WIF1: variants seen among roughly 807,000 people sequenced by gnomAD.
The protein encoded by WIF1 is Wnt inhibitory factor 1.
Under a neutral mutation model 53.5 loss-of-function variants are expected in WIF1, and 35 were observed. The observed-to-expected ratio is 0.65, with a 90% confidence interval of 0.50 to 0.87. The LOEUF (loss-of-function observed/expected upper bound fraction) is 0.87, where lower values mean the gene tolerates loss of function less well. Among genes scored for constraint, WIF1 ranks in the 40% least tolerant of loss-of-function variants. The pLI, the probability that WIF1 is intolerant of heterozygous loss-of-function variation, is 0.00. For synonymous variants in WIF1, 171 were observed against 170.4 expected, an observed-to-expected ratio of 1.00 and a Z score of -0.03; for missense variants, 467 against 476.8, an observed-to-expected ratio of 0.98 and a Z score of 0.19.
chr12:65,065,160 C>T (rs1195559624), intron 6 of WIF1, among the ~76,000 whole-genome samples: 3 of 152,190 alleles, frequency 2.0e-5, no homozygotes, highest in East Asian at 3.9e-4. Context: ...TTAAAAAAGG[C>T]AGAAATGCTT....
intron 2 of WIF1, chr12:65,083,907 T>C (rs1882996470): frequency 2.9e-6 from 1 of 344,828 alleles, no homozygotes; most frequent in Admixed American, 3.3e-5. Flanking sequence ...AGCACGATCA[T>C]GGCTCACTGT....
chr12:65,099,776 T>C (rs565952761), intron 2 of WIF1, among the ~76,000 whole-genome samples: 2 of 152,300 alleles, frequency 1.3e-5, no homozygotes, highest in East Asian at 3.9e-4. Context: ...ATTTGTTAGC[T>C]CAGTTTCCTC....
chr12:65,068,989 A>G, intron 3 of WIF1, 85 bp from the exon 4 acceptor site: 1 of 1,439,234 alleles, frequency 6.9e-7, no homozygotes. Context: ...CAAGAGTCAA[A>G]GGACAAAGCA....
At position 65,062,595 on chromosome 12, in the gene WIF1, G is replaced by A; in HGVS notation, c.731-19C>T. The A allele has an allele frequency of 6.3e-7, 1 of 1,592,730 alleles. No homozygotes were observed. The highest frequency in any genetic ancestry group is 8.6e-7 in the Non-Finnish European group (1 of 1,165,938). ...CAGTTTGCTGTTAGAATGAGTAACAGGGGTGTTGCATTAGACAGTAGGTTA... is the reference window on the plus strand; with the variant it reads ...CAGTTTGCTGTTAGAATGAGTAACAAGGGTGTTGCATTAGACAGTAGGTTA... On this transcript the variant is annotated intron_variant, in intron 6 of 9. Coordinates refer to ENST00000286574, the MANE Select transcript of WIF1 (RefSeq NM_007191.5).
At position 65,115,003 on chromosome 12, in the gene WIF1, G is replaced by A. The variant is rs557644780; in HGVS notation, c.288+5414C>T. ...GTCTAGAGCTTGTCTAGCAATCCAGGTGTTTGGTTTGAAATTAATATTGGT... is the reference window on the plus strand; with the variant it reads ...GTCTAGAGCTTGTCTAGCAATCCAGATGTTTGGTTTGAAATTAATATTGGT... On this transcript the variant is annotated intron_variant, in intron 2 of 9. Transcript: ENST00000286574. Among the ~76,000 whole-genome samples the A allele has an allele frequency of 1.6e-4, 25 of 152,020 alleles. 1 individual carries two copies. In the South Asian group the frequency reaches 4.6e-3, roughly 28 times the overall value.
At chr12:65,064,921 T>A (rs1166375476) in intron 6 of WIF1, among the ~76,000 whole-genome samples, 1 of 152,116 alleles carries the variant, frequency 6.6e-6, no homozygotes, top group Non-Finnish European at 1.5e-5. Context: ...TCTGGAGGAT[T>A]TGCTTTATTT....
At chr12:65,059,117 G>C (rs1423172419) in intron 7 of WIF1, among the ~76,000 whole-genome samples, 4 of 151,754 alleles carry the variant, frequency 2.6e-5, no homozygotes, top group Non-Finnish European at 4.4e-5. Flanking sequence ...CTAAGTTTCA[G>C]CTGGTGGCAT....
intron 6 of WIF1, among the ~76,000 whole-genome samples, chr12:65,062,924 A>G (rs1882635369): frequency 6.6e-6 from 1 of 152,106 alleles, no homozygotes; most frequent in African/African-American, 2.4e-5. Flanking sequence ...TTTTTTGTAA[A>G]CATCAGTTTA....
Position 65,056,022 on chromosome 12 carries a change from G to C in WIF1, c.922+9C>G. The C allele has an allele frequency of 6.2e-7, 1 of 1,612,976 alleles. No homozygotes were observed. Among genetic ancestry groups the C allele is most frequent in the Non-Finnish European group, 8.5e-7 (1 of 1,179,432 alleles). Reference sequence around the variant, plus strand: ...TAGCCCAGATTGGCAATGTGTATGGGGTACTTACGCTTTGAACAGAGGTCT... The same window carrying C: ...TAGCCCAGATTGGCAATGTGTATGGCGTACTTACGCTTTGAACAGAGGTCT... On this transcript the variant is annotated intron_variant, in intron 8 of 9. Transcript: ENST00000286574.
intron 3 of WIF1, among the ~76,000 whole-genome samples, chr12:65,076,073 T>C (rs1322882121): frequency 6.6e-6 from 1 of 152,212 alleles, no homozygotes; most frequent in Non-Finnish European, 1.5e-5. Context: ...TTTTTTGCTC[T>C]GTTGCCCTGG....
chr12:65,070,746 C>G (rs1409635837), intron 3 of WIF1, among the ~76,000 whole-genome samples: 1 of 152,104 alleles, frequency 6.6e-6, no homozygotes, highest in South Asian at 2.1e-4. Flanking sequence ...TAAAAAGGCC[C>G]TTCAGTTTTA....
At chr12:65,066,923 A>G (rs543271358) in intron 5 of WIF1, among the ~76,000 whole-genome samples, 187 bp from the exon 6 acceptor site, 1 of 145,480 alleles carries the variant, frequency 6.9e-6, no homozygotes, top group East Asian at 1.9e-4. Flanking sequence ...CTGTTTTTCA[A>G]TTTCTCAGCC....
At chr12:65,090,091 C>T (rs889960711) in intron 2 of WIF1, among the ~76,000 whole-genome samples, 10 of 152,140 alleles carry the variant, frequency 6.6e-5, no homozygotes, top group African/African-American at 2.4e-4. Context: ...AGTATACTTG[C>T]AAAGCCTTGG....
chr12:65,110,707 C>T (rs1883417514), intron 2 of WIF1, among the ~76,000 whole-genome samples: 3 of 152,158 alleles, frequency 2.0e-5, no homozygotes, highest in Admixed American at 1.3e-4. Context: ...TTTTCAGCTG[C>T]CTACTATGTG....
chr12:65,117,729 G>A (rs1038513734), intron 2 of WIF1, among the ~76,000 whole-genome samples: 6 of 152,306 alleles, frequency 3.9e-5, no homozygotes, highest in South Asian at 2.1e-4. Flanking sequence ...GGGAGACAGC[G>A]ATAGATCATC....
At chr12:65,060,867 C>G (rs1882601218) in intron 7 of WIF1, among the ~76,000 whole-genome samples, 2 of 152,044 alleles carry the variant, frequency 1.3e-5, no homozygotes, top group Admixed American at 1.3e-4. Context: ...GAAGTAGGGT[C>G]AATCAGGAGC....
At chr12:65,084,358 G>C (rs1883003184) in intron 2 of WIF1, among the ~76,000 whole-genome samples, 1 of 152,152 alleles carries the variant, frequency 6.6e-6, no homozygotes, top group African/African-American at 2.4e-5. Context: ...CCTTCGGCCT[G>C]TTAGGTGTCT....
intron 2 of WIF1, among the ~76,000 whole-genome samples, chr12:65,101,393 T>C (rs1027107767): frequency 2.0e-5 from 3 of 152,160 alleles, no homozygotes; most frequent in Admixed American, 2.0e-4. Flanking sequence ...ATATTAGTAA[T>C]ATAGCTGTTC....
At chr12:65,116,141 TC>T (rs987763549) in intron 2 of WIF1, among the ~76,000 whole-genome samples, 1 of 152,212 alleles carries the variant, frequency 6.6e-6, no homozygotes, top group African/African-American at 2.4e-5. Context: ...GTTAATTTTT[TC>T]TATATCTGCC....
Sources: gnomAD v4.1 joint callset for allele counts (sites outside exome capture counted in the v4.1 genomes callset) on GRCh38, gnomAD v4.1.1 for gene constraint, MANE v1.5 for transcripts, NCBI Gene and HGNC (gene_info 2026-07-23, HGNC 2026-07-21) for gene names.